Variants in CPEB2 observed in about 807,000 individuals in gnomAD.
CPEB2 encodes the protein cytoplasmic polyadenylation element binding protein 2, also known as cytoplasmic polyadenylation element-binding protein 2.
In CPEB2, 56 loss-of-function variants were observed where a neutral mutation model predicts 93.6. The ratio of observed to expected loss-of-function variants is 0.60; its 90% CI spans 0.48 to 0.75. The LOEUF is 0.75. Among genes scored for constraint, CPEB2 ranks in the 30% least tolerant of loss-of-function variants. The pLI is 0.00. For synonymous variants in CPEB2, 764 were observed against 586.3 expected (o/e 1.30, Z -4.38); for missense variants, 1,579 against 1,395.1 (o/e 1.13, Z -2.10).
intron 4 of CPEB2, among the ~76,000 whole-genome samples, chr4:15,027,746 A>C (rs1725638651): frequency 6.6e-6 from 1 of 152,170 alleles, no homozygotes; most frequent in Non-Finnish European, 1.5e-5. Context: ...GTGTTTAATA[A>C]ACACATACAG....
chr4:15,012,489 T>C (rs1330137610), intron 3 of CPEB2, among the ~76,000 whole-genome samples: 3 of 152,154 alleles, frequency 2.0e-5, no homozygotes, highest in African/African-American at 7.2e-5. Context: ...TACTATTCTT[T>C]GTCTTGGAGA....
Position 15,002,621 on chromosome 4 carries a change from T to A in CPEB2, c.-53T>A. ...CGCAACCCCAGCGCCGGCGGCTTCC[T>A]AGGTGGGGCAGGGGACGAGGAGCGT... On this transcript the variant is annotated 5_prime_UTR_variant, in exon 1 of 12. Transcript: ENST00000538197. 1.4e-6 allele frequency: 2 copies of A among 1,410,158 alleles called. No homozygotes were observed. The highest frequency in any genetic ancestry group is 1.9e-6 in the Non-Finnish European group (2 of 1,075,336). The allele number at this position is 1,410,158 out of a possible 1,614,324, so 87.4% of individuals were successfully genotyped here.
At chr4:15,038,619 C>T (rs895046578) in intron 5 of CPEB2, among the ~76,000 whole-genome samples, 2 of 147,458 alleles carry the variant, frequency 1.4e-5, no homozygotes, top group Middle Eastern at 3.5e-3. Flanking sequence ...GACGGAGTCT[C>T]GTTCTGTCTC....
At chr4:15,037,068 C>T (rs1482312747) in intron 5 of CPEB2, among the ~76,000 whole-genome samples, 6 of 151,928 alleles carry the variant, frequency 3.9e-5, no homozygotes, top group Admixed American at 2.6e-4. Flanking sequence ...TTTGGGAGGC[C>T]GAGGCAGGCA....
At chr4:15,008,276 C>A in intron 2 of CPEB2, 62 bp from the exon 3 acceptor site, 3 of 1,099,406 alleles carry the variant, frequency 2.7e-6, no homozygotes, top group Non-Finnish European at 4.2e-6. Context: ...TTCTTTCTTT[C>A]GTTGGGTGGG....
intron 6 of CPEB2, among the ~76,000 whole-genome samples, chr4:15,046,861 T>C (rs917256659): frequency 6.6e-6 from 1 of 152,218 alleles, no homozygotes; most frequent in Non-Finnish European, 1.5e-5. Context: ...ATTAGTGTCA[T>C]TTAGTCCCAA....
chr4:15,033,109 CT>C, intron 4 of CPEB2, 51 bp from the exon 5 acceptor site: 1 of 1,327,760 alleles, frequency 7.5e-7, no homozygotes, highest in South Asian at 1.3e-5. Context: ...TTTGTTTTTG[CT>C]TTTCAAATAA....
At chr4:15,040,378 C>G in intron 5 of CPEB2, 86 bp from the exon 6 acceptor site, 3 of 1,290,664 alleles carry the variant, frequency 2.3e-6, no homozygotes, top group Non-Finnish European at 2.2e-6. Context: ...CAGATGCCCA[C>G]ATAGCTTTTC....
At chr4:15,046,344 G>A (rs1727694308) in intron 6 of CPEB2, among the ~76,000 whole-genome samples, 2 of 152,106 alleles carry the variant, frequency 1.3e-5, no homozygotes, top group Non-Finnish European at 2.9e-5. Flanking sequence ...TTCTGCCTCA[G>A]CCTTCTGAGT....
In CPEB2 at chr4:15,036,319, T is replaced by C. The variant is rs1726606843; in HGVS notation, c.2176+3108T>C. Among the ~76,000 whole-genome samples, 4 of 152,204 alleles carry C rather than the reference T, an allele frequency of 2.6e-5. 1 individual carries two copies. In the South Asian group the frequency reaches 8.3e-4, roughly 31 times the overall value. On this transcript the variant is annotated intron_variant, in intron 5 of 11. Transcript: ENST00000538197. ...ACCATATTCCCCAAATTAAGTTGAA[T>C]TGACTGCTGGAGACTGTCACTATTG...
intron 6 of CPEB2, among the ~76,000 whole-genome samples, chr4:15,042,713 C>T (rs1283169814): frequency 2.0e-5 from 3 of 152,104 alleles, no homozygotes; most frequent in South Asian, 2.1e-4. Context: ...TACACTGAAA[C>T]GGTAAGTAAT....
At position 15,004,235 on chromosome 4, in the gene CPEB2, C is replaced by G; in HGVS notation, c.1562C>G (p.Pro521Arg). 1 of 1,493,790 alleles carries G rather than the reference C, an allele frequency of 6.7e-7. No homozygotes were observed. The allele number at this position is 1,493,790 out of a possible 1,614,324, so 92.5% of individuals were successfully genotyped here. The change falls in exon 1 of 12, where the codon CCG (proline) becomes CGG (arginine). Residue 521 changes from proline (P) to arginine (R), a missense_variant. Coordinates refer to ENST00000538197, the MANE Select transcript of CPEB2 (RefSeq NM_001177382.2). Reference sequence around the variant, plus strand: ...CCGCCGCCCGCGGCGCCGCAGCAGCCGCAGAGCCGGAGGTCGCCCGTCAGC... The same window carrying G: ...CCGCCGCCCGCGGCGCCGCAGCAGCGGCAGAGCCGGAGGTCGCCCGTCAGC... ...QPPPPAAPQQ[P>R]QSRRSPVSPQ...
intron 3 of CPEB2, among the ~76,000 whole-genome samples, chr4:15,008,968 C>T (rs1239405707): frequency 6.6e-6 from 1 of 152,160 alleles, no homozygotes; most frequent in East Asian, 1.9e-4. Context: ...TCCAAATAAT[C>T]AGTTTCCTAT....
chr4:15,002,706 C>A lies in CPEB2; in HGVS notation c.33C>A (p.Thr11=). Residue 11 remains threonine, a synonymous_variant, in exon 1 of 12, where the codon ACC becomes ACA. Transcript: ENST00000538197. MRDFGFGVLQ[T]APLRSSSPGP... Reference sequence around the variant, plus strand: ...ATTTCGGGTTTGGGGTGCTGCAGACCGCCCCGCTCCGAAGTAGCAGTCCTG... The same window carrying A: ...ATTTCGGGTTTGGGGTGCTGCAGACAGCCCCGCTCCGAAGTAGCAGTCCTG... 1 of 1,522,420 alleles carries A rather than the reference C, an allele frequency of 6.6e-7. No homozygotes were observed. Among genetic ancestry groups the A allele is most frequent in the African/African-American group, 1.4e-5 (1 of 72,028 alleles). The allele number at this position is 1,522,420 out of a possible 1,614,324, so 94.3% of individuals were successfully genotyped here.
intron 6 of CPEB2, among the ~76,000 whole-genome samples, chr4:15,047,079 C>T (rs772347255): frequency 6.6e-6 from 1 of 152,144 alleles, no homozygotes; most frequent in Non-Finnish European, 1.5e-5. Flanking sequence ...TGAAAAACAT[C>T]AAGTGACTGT....
chr4:15,045,389 A>G (rs1039232020), intron 6 of CPEB2, among the ~76,000 whole-genome samples: 6 of 152,190 alleles, frequency 3.9e-5, no homozygotes, highest in African/African-American at 1.4e-4. Context: ...GTGTGTATAT[A>G]TACACATATT....
At chr4:15,059,417 A>C in intron 10 of CPEB2, 116 bp downstream of exon 10, 1 of 545,930 alleles carries the variant, frequency 1.8e-6, no homozygotes, top group Non-Finnish European at 3.1e-6. Context: ...GCAGGAGCAG[A>C]TTCTGCATGC....
At chr4:15,059,993 A>G (rs1257263922) in intron 10 of CPEB2, among the ~76,000 whole-genome samples, 1 of 152,198 alleles carries the variant, frequency 6.6e-6, no homozygotes, top group East Asian at 1.9e-4. Context: ...AGCATGTAGC[A>G]AGGAAATATG....
At position 15,069,444 on chromosome 4, in the gene CPEB2, A is replaced by C. The variant is rs1417140365; in HGVS notation, c.*3064A>C. 6.6e-6 allele frequency: 1 copy of C among 152,308 alleles called. No individual in the cohort carries two copies. The highest frequency in any genetic ancestry group is 2.4e-5 in the African/African-American group (1 of 41,414). 9.4% of individuals were successfully genotyped at this position (152,308 alleles called of 1,614,324 possible). A position where few individuals can be genotyped will look rare whatever the true frequency, so the allele number is the denominator to read the frequency against. Reference sequence around the variant, plus strand: ...GTCATTTTTTACTGTCAGAAAAGATACCCCTTTTGTCATTGCAACTATTTT... The same window carrying C: ...GTCATTTTTTACTGTCAGAAAAGATCCCCCTTTTGTCATTGCAACTATTTT... On this transcript the variant is annotated 3_prime_UTR_variant, in exon 12 of 12. Coordinates refer to ENST00000538197, the MANE Select transcript of CPEB2 (RefSeq NM_001177382.2).
Sources: allele counts gnomAD v4.1 joint callset (sites outside exome capture counted in the v4.1 genomes callset), GRCh38; gene constraint gnomAD v4.1.1; transcripts MANE v1.5; gene names NCBI Gene and HGNC (gene_info 2026-07-23, HGNC 2026-07-21).